Variants in RORA observed in about 807,000 individuals in gnomAD.
RORA encodes the protein RAR related orphan receptor A.
A neutral mutation model predicts 69.5 loss-of-function variants in RORA; 7 were observed. The ratio of observed to expected loss-of-function variants is 0.10; its 90% CI spans 0.06 to 0.19. The LOEUF (loss-of-function observed/expected upper bound fraction) is 0.19. Ranked by LOEUF, RORA falls within the 10% of genes least tolerant of loss-of-function variation. RORA has a pLI of 1.00. For missense variants in RORA, 457 were observed against 663.0 expected (o/e 0.69, Z 3.41); for synonymous variants, 261 against 240.8 (o/e 1.08, Z -0.78).
chr15:60,884,347 T>C (rs969537015), intron 1 of RORA, among the ~76,000 whole-genome samples: 14 of 144,570 alleles, frequency 9.7e-5, no homozygotes, highest in Admixed American at 8.3e-4. Flanking sequence ...TTTTTTTTTT[T>C]CAAAAGTGCC....
At chr15:60,982,842 C>CT (rs1380343510) in intron 1 of RORA, among the ~76,000 whole-genome samples, 1 of 152,162 alleles carries the variant, frequency 6.6e-6, no homozygotes, top group Non-Finnish European at 1.5e-5. Context: ...GTTATTGCCA[C>CT]TTTTTTTCTA....
Position 61,021,070 on chromosome 15 carries a change from C to A in RORA, c.166+207983G>T. ...GGCCACAGTTGGTAACTCTCTTGGT[C>A]CTCCCCTCAAGGTGGGGAGATGACA... On this transcript the variant is annotated intron_variant, in intron 1 of 10. Coordinates refer to ENST00000335670, the MANE Select transcript of RORA (RefSeq NM_134261.3). Among the ~76,000 whole-genome samples the A allele has an allele frequency of 1.3e-5, 2 of 152,182 alleles. 1 individual carries two copies. Among genetic ancestry groups the A allele is most frequent in the Non-Finnish European group, 2.9e-5 (2 of 68,036 alleles).
intron 2 of RORA, among the ~76,000 whole-genome samples, chr15:60,638,320 G>C (rs2069876787): frequency 6.6e-6 from 1 of 151,398 alleles, no homozygotes; most frequent in Admixed American, 6.6e-5. Flanking sequence ...GTTAACAGTG[G>C]ATAGCTTAAG....
intron 2 of RORA, among the ~76,000 whole-genome samples, chr15:60,591,760 C>T (rs1007058959): frequency 1.3e-5 from 2 of 152,152 alleles, no homozygotes; most frequent in Non-Finnish European, 2.9e-5. Flanking sequence ...GCGCCCGTCT[C>T]GCTCCGGCCC....
rs976781730 is a variant in RORA, at chr15:60,489,611, T to C, written c.*7844A>G. On this transcript the variant is annotated 3_prime_UTR_variant, in exon 11 of 11. Transcript: ENST00000335670. ...TAAATAACTTTGAAAATGAAGGTCC[T>C]TCACTCAGTTCATGGAACTGGTTGA... 16 of 152,194 alleles carry C rather than the reference T, an allele frequency of 1.1e-4. No individual in the cohort carries two copies. The highest frequency in any genetic ancestry group is 3.6e-4 in the African/African-American group (15 of 41,444). The allele number at this position is 152,194 out of a possible 1,614,324, so 9.4% of individuals were successfully genotyped here. A position where few individuals can be genotyped will look rare whatever the true frequency, so the allele number is the denominator to read the frequency against.
At position 60,997,218 on chromosome 15, in the gene RORA, TTAAG is replaced by T. The variant is rs1894579386; in HGVS notation, c.166+231831_166+231834del. On this transcript the variant is annotated intron_variant, in intron 1 of 10. Transcript: ENST00000335670. ...TGTTTGAATTATACTGATTTGCAGA[TTAAG>T]TAAGAATGTTTGTGTGATTTAGGAA... Among the ~76,000 whole-genome samples the T allele has an allele frequency of 2.6e-5, 4 of 152,172 alleles. No homozygotes were observed. The South Asian group carries it at 8.3e-4, about 31-fold the overall frequency.
chr15:61,223,556 A>C (rs2080118455), intron 1 of RORA, among the ~76,000 whole-genome samples: 1 of 152,210 alleles, frequency 6.6e-6, no homozygotes, highest in South Asian at 2.1e-4. Context: ...CCAAGTGGGG[A>C]TCAAGATAGA....
chr15:60,972,996 G>GAA (rs34309313), intron 1 of RORA, among the ~76,000 whole-genome samples: 207 of 144,802 alleles, frequency 1.4e-3, no homozygotes, highest in Middle Eastern at 3.6e-3. Flanking sequence ...GCATTTGGGA[G>GAA]AAAAAAAAAA....
intron 10 of RORA, 22 bp downstream of exon 10, chr15:60,499,870 A>G (rs2065275675): frequency 7.1e-7 from 1 of 1,408,276 alleles, no homozygotes; most frequent in Non-Finnish European, 1.0e-6. Context: ...GGCCATGCCA[A>G]CTAGAAGCCT....
intron 1 of RORA, among the ~76,000 whole-genome samples, chr15:61,119,476 TTTA>T (rs2079083125): frequency 6.6e-6 from 1 of 151,358 alleles, no homozygotes. Flanking sequence ...ATATATACAT[TTTA>T]TTTTTTCCCC....
chr15:60,637,599 G>T (rs576652311), intron 2 of RORA, among the ~76,000 whole-genome samples: 4 of 151,408 alleles, frequency 2.6e-5, no homozygotes, highest in African/African-American at 9.7e-5. Context: ...TTTGTTATAC[G>T]GCGTGAAAAA....
At chr15:61,069,102 A>G (rs1416605117) in intron 1 of RORA, among the ~76,000 whole-genome samples, 1 of 152,234 alleles carries the variant, frequency 6.6e-6, no homozygotes, top group Non-Finnish European at 1.5e-5. Flanking sequence ...GCAGTGGATG[A>G]AGCTAAAAGC....
At chr15:60,799,600 G>A (rs868331415) in intron 1 of RORA, among the ~76,000 whole-genome samples, 30 of 151,542 alleles carry the variant, frequency 2.0e-4, no homozygotes, top group African/African-American at 2.7e-4. Flanking sequence ...CGGGGGAGAT[G>A]AGTCACTAAG....
chr15:61,130,274 CT>C (rs2079179401), intron 1 of RORA, among the ~76,000 whole-genome samples: 1 of 152,220 alleles, frequency 6.6e-6, no homozygotes, highest in Non-Finnish European at 1.5e-5. Flanking sequence ...ATGTACACAT[CT>C]GATTTCTGAT....
intron 2 of RORA, among the ~76,000 whole-genome samples, chr15:60,621,840 G>C (rs1567128948): frequency 6.6e-6 from 1 of 152,058 alleles, no homozygotes; most frequent in Non-Finnish European, 1.5e-5. Flanking sequence ...CTGAGGTCAG[G>C]AGTTCGAGAC....
intron 3 of RORA, among the ~76,000 whole-genome samples, chr15:60,517,099 G>T (rs1296436570): frequency 1.6e-5 from 2 of 121,832 alleles, no homozygotes; most frequent in Admixed American, 9.4e-5. Flanking sequence ...TTTTCTTTTT[G>T]TTCATCTGTG....
intron 1 of RORA, among the ~76,000 whole-genome samples, chr15:61,135,586 A>AC (rs1300858788): frequency 6.6e-6 from 1 of 150,614 alleles, no homozygotes; most frequent in African/African-American, 2.4e-5. Flanking sequence ...ATCAAAAAAA[A>AC]AAAAAAAAAA....
chr15:60,911,355 A>C (rs1451240384), intron 1 of RORA, among the ~76,000 whole-genome samples: 1 of 152,072 alleles, frequency 6.6e-6, no homozygotes, highest in Non-Finnish European at 1.5e-5. Flanking sequence ...TTCTGCTCTC[A>C]AGGCCATTTC....
intron 1 of RORA, among the ~76,000 whole-genome samples, chr15:61,116,637 C>T (rs981980511): frequency 1.3e-5 from 2 of 152,138 alleles, no homozygotes; most frequent in African/African-American, 2.4e-5. Context: ...GCTCATTTTA[C>T]GGAGGAAGAA....
Sources: gnomAD v4.1 joint callset for allele counts (sites outside exome capture counted in the v4.1 genomes callset) on GRCh38, gnomAD v4.1.1 for gene constraint, MANE v1.5 for transcripts, NCBI Gene and HGNC (gene_info 2026-07-23, HGNC 2026-07-21) for gene names.